Variants in PPFIA2 observed in about 807,000 individuals in gnomAD.
The protein encoded by PPFIA2 is PPFI scaffold protein A2.
In PPFIA2, 46 loss-of-function variants were observed where a neutral mutation model predicts 175.5. The ratio of observed to expected loss-of-function variants is 0.26; its 90% CI spans 0.21 to 0.34. PPFIA2 has a LOEUF of 0.34. Ranked by LOEUF, PPFIA2 falls within the 10% of genes least tolerant of loss-of-function variation. The pLI is 1.00. For synonymous variants in PPFIA2, 568 were observed against 511.4 expected (o/e 1.11, Z -1.49); for missense variants, 1,179 against 1,506.1 (o/e 0.78, Z 3.60).
At chr12:81,678,170 A>G (rs1567830878) in intron 3 of PPFIA2, among the ~76,000 whole-genome samples, 2 of 151,824 alleles carry the variant, frequency 1.3e-5, no homozygotes, top group Non-Finnish European at 2.9e-5. Context: ...GACAGGGATG[A>G]AGAGGGGGGA....
At chr12:81,560,898 T>G (rs898746747) in intron 4 of PPFIA2, among the ~76,000 whole-genome samples, 1 of 152,186 alleles carries the variant, frequency 6.6e-6, no homozygotes, top group Non-Finnish European at 1.5e-5. Flanking sequence ...TTTTAATCTA[T>G]TGAAACTTCT....
chr12:81,290,760 A>T (rs1283815480), intron 24 of PPFIA2, among the ~76,000 whole-genome samples: 1 of 151,842 alleles, frequency 6.6e-6, no homozygotes, highest in East Asian at 1.9e-4. Context: ...TAACAATTAA[A>T]GTTTAAAAGT....
intron 8 of PPFIA2, among the ~76,000 whole-genome samples, chr12:81,401,306 A>G (rs17737005): frequency 0.012 from 1,779 of 152,264 alleles, 18 homozygotes; most frequent in Middle Eastern, 0.024. Flanking sequence ...TATGCCTAAG[A>G]TGATGTAATT....
At chr12:81,429,576 C>A (rs1180557772) in intron 7 of PPFIA2, among the ~76,000 whole-genome samples, 1 of 151,990 alleles carries the variant, frequency 6.6e-6, no homozygotes, top group Non-Finnish European at 1.5e-5. Context: ...ATTTAAGTTT[C>A]TTTTAAACTA....
intron 4 of PPFIA2, among the ~76,000 whole-genome samples, chr12:81,585,835 T>C (rs2075233317): frequency 6.6e-6 from 1 of 151,966 alleles, no homozygotes; most frequent in African/African-American, 2.4e-5. Context: ...ATCAAGTTAT[T>C]ATGTACTGTA....
At chr12:81,261,080 A>G (rs1455526484) in intron 32 of PPFIA2, 1 of 152,124 alleles carries the variant, frequency 6.6e-6, no homozygotes, top group Non-Finnish European at 1.5e-5. Flanking sequence ...TGCTGGTCCT[A>G]TTCTCCATTC....
intron 4 of PPFIA2, among the ~76,000 whole-genome samples, chr12:81,642,559 G>C (rs2065114823): frequency 7.0e-6 from 1 of 143,500 alleles, no homozygotes; most frequent in African/African-American, 2.6e-5. Context: ...TATAAAACAA[G>C]CATTGCCCCT....
chr12:81,683,025 C>T (rs2073909976), intron 3 of PPFIA2, among the ~76,000 whole-genome samples: 2 of 151,992 alleles, frequency 1.3e-5, no homozygotes, highest in Admixed American at 1.3e-4. Context: ...CTATCTTCAG[C>T]TTCAACTTAT....
intron 4 of PPFIA2, among the ~76,000 whole-genome samples, chr12:81,519,194 C>G (rs2062817191): frequency 6.6e-6 from 1 of 152,034 alleles, no homozygotes; most frequent in Admixed American, 6.6e-5. Context: ...TATGAGATAA[C>G]TAATTGAATA....
chr12:81,312,347 G>A (rs2051137787), intron 22 of PPFIA2: 2 of 616,096 alleles, frequency 3.2e-6, no homozygotes, highest in Non-Finnish European at 2.8e-6. Flanking sequence ...CATACTCACT[G>A]CGTCGAAAAG....
chr12:81,682,270 A>G (rs1183985230), intron 3 of PPFIA2, among the ~76,000 whole-genome samples: 2 of 152,014 alleles, frequency 1.3e-5, no homozygotes. Context: ...TGAGAACACA[A>G]GAAGAAGGCA....
At chr12:81,478,478 T>G (rs912878721) in intron 4 of PPFIA2, among the ~76,000 whole-genome samples, 2 of 152,168 alleles carry the variant, frequency 1.3e-5, no homozygotes, top group Non-Finnish European at 2.9e-5. Context: ...ATCCTGCTTC[T>G]CTGGTTCTTT....
chr12:81,732,513 T>A lies in PPFIA2; in HGVS notation c.249+21460A>T, dbSNP rs199576552. Among the ~76,000 whole-genome samples the A allele has an allele frequency of 7.8e-3, 1,038 of 133,912 alleles. 32 individuals are homozygous for A. The South Asian group carries it at 0.088, about 11-fold the overall frequency. The allele number at this position is 133,912 out of a possible 152,430, so 87.9% of individuals were successfully genotyped here. On this transcript the variant is annotated intron_variant, in intron 3 of 32. Transcript: ENST00000549396. ...AAGAAATATGGATGATGTTTTTTTTTAAAAAAAAAAAAAAAACACTCACAC... is the reference window on the plus strand; with the variant it reads ...AAGAAATATGGATGATGTTTTTTTTAAAAAAAAAAAAAAAAACACTCACAC...
chr12:81,431,431 T>G (rs941350377), intron 7 of PPFIA2: 3 of 152,202 alleles, frequency 2.0e-5, no homozygotes, highest in African/African-American at 7.2e-5. Flanking sequence ...CTCACTTTTT[T>G]AGGACAATGG....
At chr12:81,602,346 A>G (rs946999473) in intron 4 of PPFIA2, among the ~76,000 whole-genome samples, 3 of 151,880 alleles carry the variant, frequency 2.0e-5, no homozygotes, top group African/African-American at 4.8e-5. Context: ...TTCAATTCAA[A>G]CATCCTATTA....
At chr12:81,757,775 C>G (rs1473394883) in intron 2 of PPFIA2, among the ~76,000 whole-genome samples, 1 of 152,080 alleles carries the variant, frequency 6.6e-6, no homozygotes. Context: ...CTACAAAAAG[C>G]TTTTTTTCTT....
intron 4 of PPFIA2, among the ~76,000 whole-genome samples, chr12:81,649,998 ATGTTTT>A (rs1362480789): frequency 2.0e-5 from 3 of 151,620 alleles, no homozygotes; most frequent in East Asian, 3.9e-4. Flanking sequence ...TAATCAAATT[ATGTTTT>A]TGTTTTTGTT....
At position 81,294,439 on chromosome 12, in the gene PPFIA2, TAGGAAGGAAGGAAGGAAGGA is replaced by T. The variant is rs141474237; in HGVS notation, c.2925+376_2925+395del. ...AAGGGAAGGAAGGAAGGAAGGTAGG[TAGGAAGGAAGGAAGGAAGGA>T]AGGAAGGAAGGAAGGAAGGAAGGAA... On this transcript the variant is annotated intron_variant, in intron 24 of 32. Transcript: ENST00000549396. The T allele has an allele frequency of 1.9e-4, 22 of 116,702 alleles. No homozygotes were observed. In the East Asian group the frequency reaches 2.8e-3, roughly 15 times the overall value. The allele number at this position is 116,702 out of a possible 1,614,324, so 7.2% of individuals were successfully genotyped here.
chr12:81,339,431 T>G, intron 20 of PPFIA2, 97 bp from the exon 21 acceptor site: 1 of 985,592 alleles, frequency 1.0e-6, no homozygotes, highest in Non-Finnish European at 1.3e-6. Flanking sequence ...CAAGCAGACT[T>G]GTAATGTTGT....
Sources: gnomAD v4.1 joint callset for allele counts (sites outside exome capture counted in the v4.1 genomes callset) on GRCh38, gnomAD v4.1.1 for gene constraint, MANE v1.5 for transcripts, NCBI Gene and HGNC (gene_info 2026-07-23, HGNC 2026-07-21) for gene names.